Variants in CNTNAP2 observed in about 807,000 individuals in gnomAD.
CNTNAP2 encodes contactin associated protein 2, also known as contactin-associated protein-like 2.
A neutral mutation model predicts 155.2 loss-of-function variants in CNTNAP2; 98 were observed. That is an observed-to-expected ratio of 0.63 (90% CI 0.54 to 0.75). The LOEUF is 0.75. CNTNAP2 is among the 30% of genes least tolerant of loss of function. The pLI is 0.00. For missense variants in CNTNAP2, 1,727 were observed against 1,688.1 expected (o/e 1.02, Z -0.40); for synonymous variants, 651 against 631.2 (o/e 1.03, Z -0.47).
At chr7:147,332,225 G>A (rs1210742749) in intron 9 of CNTNAP2, among the ~76,000 whole-genome samples, 1 of 152,116 alleles carries the variant, frequency 6.6e-6, no homozygotes, top group African/African-American at 2.4e-5. Context: ...TCAACTATAT[G>A]TACTATGATG....
At chr7:146,381,046 C>T (rs906168255) in intron 1 of CNTNAP2, among the ~76,000 whole-genome samples, 1 of 151,746 alleles carries the variant, frequency 6.6e-6, no homozygotes, top group Non-Finnish European at 1.5e-5. Flanking sequence ...GATCCGCCCG[C>T]CTCGGCCTCC....
chr7:146,292,859 A>G (rs899276630), intron 1 of CNTNAP2, among the ~76,000 whole-genome samples: 4 of 152,204 alleles, frequency 2.6e-5, no homozygotes. Context: ...AATAGTGGTT[A>G]TCCGAGACGC....
intron 13 of CNTNAP2, among the ~76,000 whole-genome samples, chr7:147,784,381 C>CATAT (rs60221349): frequency 0.025 from 2,438 of 99,168 alleles, 90 homozygotes; most frequent in East Asian, 0.032. Context: ...AAACTAAAAA[C>CATAT]ATATATATAT....
At chr7:147,227,284 G>T (rs1011292909) in intron 8 of CNTNAP2, among the ~76,000 whole-genome samples, 1 of 152,076 alleles carries the variant, frequency 6.6e-6, no homozygotes, top group Admixed American at 6.6e-5. Context: ...GAATAGGGCT[G>T]GTGTGGAGGG....
At chr7:147,119,614 C>G (rs1165770442) in intron 5 of CNTNAP2, among the ~76,000 whole-genome samples, 1 of 152,048 alleles carries the variant, frequency 6.6e-6, no homozygotes, top group Non-Finnish European at 1.5e-5. Flanking sequence ...TTTACCATCA[C>G]ACATCAACAT....
At chr7:146,851,650 CTGTGTGTGTGTGTGTGTGTG>C (rs71165041) in intron 3 of CNTNAP2, among the ~76,000 whole-genome samples, 39,235 of 133,078 alleles carry the variant, frequency 0.29, 5,674 homozygotes, top group Non-Finnish European at 0.34. Flanking sequence ...CATCTTTCTT[CTGTGTGTGTGTGTGTGTGTG>C]TGTGTGTGTG....
chr7:146,246,100 T>A (rs10226531), intron 1 of CNTNAP2, among the ~76,000 whole-genome samples: 4,020 of 151,994 alleles, frequency 0.026, 152 homozygotes, highest in African/African-American at 0.087. Context: ...CAGGCTTTAA[T>A]CCTTTCAAAG....
chr7:146,163,525 A>C (rs972224087), intron 1 of CNTNAP2, among the ~76,000 whole-genome samples: 1 of 144,886 alleles, frequency 6.9e-6, no homozygotes, highest in Non-Finnish European at 1.5e-5. Context: ...ATCTATATAT[A>C]TCTATATATA....
chr7:146,334,523 C>T (rs978002166), intron 1 of CNTNAP2, among the ~76,000 whole-genome samples: 2 of 151,094 alleles, frequency 1.3e-5, no homozygotes, highest in African/African-American at 4.9e-5. Flanking sequence ...CTAGCTAGTT[C>T]TCCTGTCTTC....
intron 9 of CNTNAP2, among the ~76,000 whole-genome samples, chr7:147,394,807 TTG>T (rs61695156): frequency 0.15 from 20,232 of 139,102 alleles, 1,489 homozygotes; most frequent in African/African-American, 0.19. Flanking sequence ...ATCAACAGTA[TTG>T]TGTGTGTGTG....
At chr7:146,719,256 A>G (rs1029404438) in intron 1 of CNTNAP2, among the ~76,000 whole-genome samples, 1 of 152,218 alleles carries the variant, frequency 6.6e-6, no homozygotes, top group African/African-American at 2.4e-5. Flanking sequence ...TGCTGAGGCT[A>G]CAAAGAAATG....
chr7:146,569,066 G>C (rs1187253150), intron 1 of CNTNAP2, among the ~76,000 whole-genome samples: 1 of 151,730 alleles, frequency 6.6e-6, no homozygotes, highest in Non-Finnish European at 1.5e-5. Context: ...GCCCAGGCTG[G>C]AGTGCAGTGG....
chr7:147,554,287 T>C (rs945898230), intron 11 of CNTNAP2, among the ~76,000 whole-genome samples: 9 of 152,174 alleles, frequency 5.9e-5, no homozygotes, highest in Admixed American at 3.9e-4. Flanking sequence ...AGAATGGATA[T>C]TGAAGTCTCC....
intron 1 of CNTNAP2, among the ~76,000 whole-genome samples, chr7:146,514,499 T>G (rs557526042): frequency 4.6e-5 from 7 of 152,222 alleles, no homozygotes; most frequent in African/African-American, 1.4e-4. Context: ...TGATCAGTCC[T>G]GCTGCTGAGA....
intron 12 of CNTNAP2, among the ~76,000 whole-genome samples, chr7:147,602,198 C>G (rs570289410): frequency 2.6e-5 from 4 of 151,988 alleles, no homozygotes; most frequent in African/African-American, 9.6e-5. Flanking sequence ...AAAATGCTAC[C>G]TGTTGAACTA....
At chr7:148,260,144 T>C (rs1417368409) in intron 20 of CNTNAP2, among the ~76,000 whole-genome samples, 3 of 152,340 alleles carry the variant, frequency 2.0e-5, no homozygotes, top group Admixed American at 6.5e-5. Context: ...GTCATTTCCT[T>C]AGGCTTTTCA....
intron 14 of CNTNAP2, among the ~76,000 whole-genome samples, chr7:147,968,361 A>G (rs1801262019): frequency 6.6e-6 from 1 of 152,228 alleles, no homozygotes; most frequent in Non-Finnish European, 1.5e-5. Flanking sequence ...CACTGGGGAC[A>G]TAGGCATGGA....
intron 13 of CNTNAP2, among the ~76,000 whole-genome samples, chr7:147,692,445 A>G (rs561946812): frequency 1.3e-5 from 2 of 152,250 alleles, no homozygotes; most frequent in South Asian, 4.1e-4. Flanking sequence ...TATCTTCCAA[A>G]GTGGCCATAC....
At chr7:148,032,551 G>A (rs2373316) in intron 15 of CNTNAP2, among the ~76,000 whole-genome samples, 49,849 of 152,028 alleles carry the variant, frequency 0.33, 9,718 homozygotes, top group East Asian at 0.77. Flanking sequence ...GAAGAACAAA[G>A]GAGAAGTGAC....
Sources: allele counts gnomAD v4.1 joint callset (sites outside exome capture counted in the v4.1 genomes callset), GRCh38; gene constraint gnomAD v4.1.1; transcripts MANE v1.5; gene names NCBI Gene and HGNC (gene_info 2026-07-23, HGNC 2026-07-21).